RFT1: variants seen among roughly 807,000 people sequenced by gnomAD.
The protein encoded by RFT1 is man(5)GlcNAc(2)-PP-dolichol translocation protein RFT1.
Under a neutral mutation model 62.2 loss-of-function variants are expected in RFT1, and 43 were observed. That is an observed-to-expected ratio of 0.69 (90% CI 0.54 to 0.89). The LOEUF is 0.89. Ranked by LOEUF, RFT1 falls within the 40% of genes least tolerant of loss-of-function variation. The pLI is 0.00. For synonymous variants in RFT1, 262 were observed against 264.6 expected, an observed-to-expected ratio of 0.99 and a Z score of 0.10; for missense variants, 605 against 649.9, an observed-to-expected ratio of 0.93 and a Z score of 0.75.
At chr3:53,101,883 C>A (rs985954627) in intron 10 of RFT1, among the ~76,000 whole-genome samples, 17 of 152,024 alleles carry the variant, frequency 1.1e-4, no homozygotes, top group Admixed American at 2.0e-4. Flanking sequence ...ACTAAATATA[C>A]AAAAACTTAG....
rs1004808 is a variant in RFT1, at chr3:53,106,614, A to C, written c.826+205T>G. 0.34 allele frequency among the ~76,000 whole-genome samples: 51,595 copies of C among 152,006 alleles called. 8,830 individuals are homozygous for C. The highest frequency in any genetic ancestry group is 0.41 in the Middle Eastern group (121 of 292). Reference sequence around the variant, plus strand: ...AACACCAGAGCTCTCAGGAGGCAAAATAGAGGGCCGGGGTCTCACCAGAAT... The same window carrying C: ...AACACCAGAGCTCTCAGGAGGCAAACTAGAGGGCCGGGGTCTCACCAGAAT... On this transcript the variant is annotated intron_variant, in intron 8 of 12. Coordinates refer to ENST00000296292, the MANE Select transcript of RFT1 (RefSeq NM_052859.4).
At chr3:53,127,654 A>T (rs1702144678) in intron 1 of RFT1, among the ~76,000 whole-genome samples, 1 of 13,374 alleles carries the variant, frequency 7.5e-5, no homozygotes, top group African/African-American at 3.1e-4. Flanking sequence ...CTCCATCTTA[A>T]AAAAAAAAAA....
chr3:53,107,167 G>T (rs1310997991), intron 7 of RFT1, among the ~76,000 whole-genome samples: 2 of 141,408 alleles, frequency 1.4e-5, no homozygotes, highest in African/African-American at 5.3e-5. Flanking sequence ...ACGGAGTCTC[G>T]CTCTGTCACC....
At chr3:53,113,525 C>T (rs1241211213) in intron 6 of RFT1, among the ~76,000 whole-genome samples, 1 of 152,186 alleles carries the variant, frequency 6.6e-6, no homozygotes, top group Non-Finnish European at 1.5e-5. Flanking sequence ...GTCATGTGGG[C>T]CCCTGTTCTG....
Position 53,091,494 on chromosome 3 carries a change from T to C in RFT1, c.*409A>G, listed in dbSNP as rs1209430063. ...TCTCTCTTTTACAGAAGAAGTTCAA[T>C]ATTCCTGTGAAGGGTAAAATCACTG... On this transcript the variant is annotated 3_prime_UTR_variant, in exon 13 of 13. Transcript: ENST00000296292. 4 of 234,244 alleles carry C rather than the reference T, an allele frequency of 1.7e-5. No homozygotes were observed. Among genetic ancestry groups the C allele is most frequent in the Non-Finnish European group, 3.5e-5 (4 of 115,800 alleles). 14.5% of individuals were successfully genotyped at this position (234,244 alleles called of 1,614,324 possible). A position where few individuals can be genotyped will look rare whatever the true frequency, so the allele number is the denominator to read the frequency against.
intron 1 of RFT1, among the ~76,000 whole-genome samples, chr3:53,127,813 G>A (rs1025326251): frequency 1.3e-5 from 2 of 152,050 alleles, no homozygotes; most frequent in Non-Finnish European, 2.9e-5. Flanking sequence ...AGAAGTGAAA[G>A]CATTTTTTAA....
chr3:53,120,099 G>A (rs2107158086), intron 5 of RFT1, 78 bp from the exon 6 acceptor site: 5 of 1,232,854 alleles, frequency 4.1e-6, no homozygotes, highest in Non-Finnish European at 4.5e-6. Flanking sequence ...GGCCAGTCAA[G>A]TAATAGAACT....
intron 6 of RFT1, among the ~76,000 whole-genome samples, chr3:53,116,654 T>C (rs1575497898): frequency 1.3e-5 from 2 of 150,450 alleles, no homozygotes; most frequent in Admixed American, 6.7e-5. Flanking sequence ...CAGGCTAGAG[T>C]GTAGTGGTGC....
At position 53,122,497 on chromosome 3, in the gene RFT1, A is replaced by C. The variant is rs761047889; in HGVS notation, c.333T>G (p.Pro111=). The C allele has an allele frequency of 2.5e-6, 4 of 1,614,090 alleles. No individual in the cohort carries two copies. Among genetic ancestry groups the C allele is most frequent in the Non-Finnish European group, 3.4e-6 (4 of 1,179,968 alleles). ...GWIWLQLLEV[P]DPNVVPHYAT... The stretch of plus-strand genomic sequence containing the variant: ...CATAGTGAGGGACAACATTAGGATC[A>C]GGCACTTCAAGCAGCTGCAACCAGA... The change falls in exon 4 of 13, where the codon CCT becomes CCG. Residue 111 remains proline (P), a synonymous_variant. Coordinates refer to ENST00000296292, the MANE Select transcript of RFT1 (RefSeq NM_052859.4).
downstream of RFT1, among the ~76,000 whole-genome samples, chr3:53,084,610 GC>G (rs1700819767): frequency 6.6e-6 from 1 of 152,164 alleles, no homozygotes; most frequent in Non-Finnish European, 1.5e-5. Context: ...CTGTTCCAAG[GC>G]CCCAACCTGT....
chr3:53,116,377 TCA>T (rs770194702), intron 6 of RFT1, among the ~76,000 whole-genome samples: 1 of 150,052 alleles, frequency 6.7e-6, no homozygotes, highest in Non-Finnish European at 1.5e-5. Context: ...TACTGTAGCC[TCA>T]GTCTCCAGGG....
chr3:53,125,109 T>C lies in RFT1; in HGVS notation c.149+800A>G, dbSNP rs564962609. Among the ~76,000 whole-genome samples the C allele has an allele frequency of 9.8e-5, 15 of 152,354 alleles. No individual in the cohort carries two copies. In the South Asian group the frequency reaches 3.1e-3, roughly 32 times the overall value. On this transcript the variant is annotated intron_variant, in intron 2 of 12. Coordinates refer to ENST00000296292, the MANE Select transcript of RFT1 (RefSeq NM_052859.4). ...TGGGCCCCTGTTCAGCACTATGTAGTGCAAAACTCCACAGATGATTCCTTT... is the reference window on the plus strand; with the variant it reads ...TGGGCCCCTGTTCAGCACTATGTAGCGCAAAACTCCACAGATGATTCCTTT...
At chr3:53,112,810 C>T (rs1316342487) in intron 6 of RFT1, among the ~76,000 whole-genome samples, 1 of 152,110 alleles carries the variant, frequency 6.6e-6, no homozygotes, top group Admixed American at 6.5e-5. Context: ...CAAGGAAACA[C>T]TTAGGTAGGG....
At chr3:53,102,112 A>G (rs1409229811) in intron 10 of RFT1, among the ~76,000 whole-genome samples, 1 of 152,064 alleles carries the variant, frequency 6.6e-6, no homozygotes, top group Non-Finnish European at 1.5e-5. Flanking sequence ...TGAAGAGCGC[A>G]AGGGGGATGA....
chr3:53,092,326 G>A, intron 12 of RFT1, 43 bp downstream of exon 12: 1 of 1,577,826 alleles, frequency 6.3e-7, no homozygotes, highest in Admixed American at 1.9e-5. Context: ...AGACAGCGGG[G>A]CAGCTGCAGA....
rs571373947 is a variant in RFT1 at position 53,115,099 on chromosome 3, A to G, written c.697-3191T>C. ...CATCCTCCCCCTGTCCTTACTCCTC[A>G]CCTGGACAATTGCCACAGGCTCCCA... On this transcript the variant is annotated intron_variant, in intron 6 of 12. Transcript: ENST00000296292. Among the ~76,000 whole-genome samples the G allele has an allele frequency of 8.6e-5, 13 of 151,826 alleles. No individual in the cohort carries two copies. The South Asian group carries it at 2.5e-3, about 29-fold the overall frequency.
intron 3 of RFT1, 52 bp downstream of exon 3, chr3:53,123,672 G>GCTCA: frequency 7.2e-7 from 1 of 1,382,736 alleles, no homozygotes; most frequent in Non-Finnish European, 1.0e-6. Context: ...CATTTCCAAT[G>GCTCA]CTCACTACAC....
At chr3:53,094,743 T>C (rs1701094081) in intron 11 of RFT1, among the ~76,000 whole-genome samples, 1 of 151,630 alleles carries the variant, frequency 6.6e-6, no homozygotes, top group Admixed American at 6.6e-5. Flanking sequence ...CCGAGTAAAA[T>C]AACAATAATG....
rs1243354046 is a variant in RFT1, at chr3:53,091,821, G to C, written c.*82C>G. ...TCACTCCGCTGCAGAGCCCTCAGTGGGGCTCTTACACAGAATGTGTTCCAC... is the reference window on the plus strand; with the variant it reads ...TCACTCCGCTGCAGAGCCCTCAGTGCGGCTCTTACACAGAATGTGTTCCAC... On this transcript the variant is annotated 3_prime_UTR_variant, in exon 13 of 13. Transcript: ENST00000296292. 2 of 1,478,554 alleles carry C rather than the reference G, an allele frequency of 1.4e-6. No homozygotes were observed. The allele number at this position is 1,478,554 out of a possible 1,614,324, so 91.6% of individuals were successfully genotyped here.
Sources: allele counts gnomAD v4.1 joint callset (sites outside exome capture counted in the v4.1 genomes callset), GRCh38; gene constraint gnomAD v4.1.1; transcripts MANE v1.5; gene names NCBI Gene and HGNC (gene_info 2026-07-23, HGNC 2026-07-21).